Variants in FADS2 observed in about 807,000 individuals in gnomAD.
The protein encoded by FADS2 is acyl-CoA 6-desaturase.
In FADS2, 18 loss-of-function variants were observed where a neutral mutation model predicts 61.2. That is an observed-to-expected ratio of 0.29 (90% confidence interval 0.20 to 0.44). The LOEUF (loss-of-function observed/expected upper bound fraction) is 0.44, where lower values mean the gene tolerates loss of function less well. FADS2 is among the 20% of genes least tolerant of loss of function. The pLI, the probability that FADS2 is intolerant of heterozygous loss-of-function variation, is 1.00. For synonymous variants in FADS2, 203 were observed against 223.9 expected (o/e 0.91, Z 0.83); for missense variants, 322 against 572.7 (o/e 0.56, Z 4.47).
intron 4 of FADS2, among the ~76,000 whole-genome samples, chr11:61,843,161 G>A (rs1053816811): frequency 2.0e-5 from 3 of 152,230 alleles, no homozygotes; most frequent in South Asian, 4.1e-4. Context: ...CAGGCACAGT[G>A]GCTCACGCCT....
chr11:61,844,739 C>T (rs2067243150), intron 4 of FADS2, among the ~76,000 whole-genome samples: 1 of 151,386 alleles, frequency 6.6e-6, no homozygotes, highest in Non-Finnish European at 1.5e-5. Flanking sequence ...TCCTGGCTAA[C>T]ACGGTGAAAC....
chr11:61,824,575 C>T (rs1320628189), upstream of FADS2, among the ~76,000 whole-genome samples: 5 of 151,554 alleles, frequency 3.3e-5, no homozygotes, highest in East Asian at 9.7e-4. Context: ...AGGTCAGAGA[C>T]AGAGGTCTAA....
Position 61,816,353 on chromosome 11 carries a change from A to G in FADS2, c.68A>G (p.Gln23Arg). 1.9e-6 allele frequency: 3 copies of G among 1,598,326 alleles called. No individual in the cohort carries two copies. The highest frequency in any genetic ancestry group is 1.3e-5 in the African/African-American group (1 of 75,016). ...TTGTTGGCCTCCATCCCCACTCCCCAGACTCCACTTCTCCAGGCCTCTCTC... is the reference window on the plus strand; with the variant it reads ...TTGTTGGCCTCCATCCCCACTCCCCGGACTCCACTTCTCCAGGCCTCTCTC... The change falls in exon 1 of 12, where the codon CAG becomes CGG. Residue 23 changes from glutamine (Q) to arginine (R), a missense_variant. Transcript: ENST00000257261. The surrounding 1 kb of genome is among the most constrained non-coding windows in gnomAD (Gnocchi z 7.0).
intron 1 of FADS2, among the ~76,000 whole-genome samples, chr11:61,818,052 T>C (rs1253336162): frequency 6.6e-6 from 1 of 152,164 alleles, no homozygotes; most frequent in Non-Finnish European, 1.5e-5. Flanking sequence ...CTGCCATATT[T>C]CTCATTACAC....
In FADS2 at chr11:61,828,382, G is replaced by T. The variant is rs550250849; in HGVS notation, c.-9G>T. On this transcript the variant is annotated 5_prime_UTR_variant, in exon 1 of 12. Coordinates refer to ENST00000278840, the MANE Select transcript of FADS2 (RefSeq NM_004265.4). The surrounding 1 kb of genome is among the most constrained non-coding windows in gnomAD (Gnocchi z 6.4). ...CGCAGTGCACGGGGCGTCACAGTCG[G>T]CAGGCAGCATGGGGAAGGGAGGGAA... 2 of 1,555,264 alleles carry T rather than the reference G, an allele frequency of 1.3e-6. No individual in the cohort carries two copies. Among genetic ancestry groups the T allele is most frequent in the South Asian group, 2.4e-5 (2 of 84,472 alleles).
At chr11:61,853,271 CTCCCT>C (rs1293008085) in intron 5 of FADS2, among the ~76,000 whole-genome samples, 4 of 100,346 alleles carry the variant, frequency 4.0e-5, no homozygotes, top group African/African-American at 2.7e-4. Context: ...CTCTCCCTCC[CTCCCT>C]TCCCTCCCTC....
rs771027315 is a variant in FADS2, at chr11:61,862,964, C to A, written c.883-8C>A. On this transcript the variant is annotated splice_region_variant and splice_polypyrimidine_tract_variant and intron_variant, in intron 7 of 11. Coordinates refer to ENST00000278840, the MANE Select transcript of FADS2 (RefSeq NM_004265.4). ...GCAGGTTGCACCTAACTTCATCTTT[C>A]CCCGCAGGACCTGGCCTGGGCCGTC... The A allele has an allele frequency of 1.2e-6, 2 of 1,613,108 alleles. No homozygotes were observed. The highest frequency in any genetic ancestry group is 2.7e-5 in the African/African-American group (2 of 74,914).
chr11:61,818,251 C>T (rs899011859), intron 1 of FADS2, among the ~76,000 whole-genome samples: 5 of 152,070 alleles, frequency 3.3e-5, no homozygotes, highest in African/African-American at 7.3e-5. Context: ...AATTGAGGTT[C>T]GAAATGGGGA....
intron 1 of FADS2, among the ~76,000 whole-genome samples, chr11:61,830,381 A>C (rs2067119075): frequency 6.6e-6 from 1 of 152,214 alleles, no homozygotes; most frequent in Non-Finnish European, 1.5e-5. Flanking sequence ...TTCTGGTTTA[A>C]TTACCATATC....
chr11:61,844,821 A>G (rs531010316), intron 4 of FADS2, among the ~76,000 whole-genome samples: 3 of 150,950 alleles, frequency 2.0e-5, no homozygotes, highest in African/African-American at 7.3e-5. Flanking sequence ...GCTGCTCGGG[A>G]GGCTGAGACA....
At chr11:61,823,214 G>A (rs1044368597) in intron 1 of FADS2, among the ~76,000 whole-genome samples, 1 of 151,672 alleles carries the variant, frequency 6.6e-6, no homozygotes, top group African/African-American at 2.4e-5. Context: ...TATTCTCTGT[G>A]CACTTCAGAG....
chr11:61,853,569 G>A (rs1188299825), intron 5 of FADS2, among the ~76,000 whole-genome samples: 1 of 152,022 alleles, frequency 6.6e-6, no homozygotes, highest in African/African-American at 2.4e-5. Flanking sequence ...AAGCCGTGCG[G>A]TGCCTGAGAT....
In FADS2 at chr11:61,857,004, T is replaced by A; in HGVS notation, c.745-7T>A. On this transcript the variant is annotated splice_polypyrimidine_tract_variant and splice_region_variant and intron_variant, in intron 5 of 11. Coordinates refer to ENST00000278840, the MANE Select transcript of FADS2 (RefSeq NM_004265.4). ...CTGGGTGCTCATGATCTCTCCTCTCTCCTCAGTACGGCAAGAAGAAGCTGA... is the reference window on the plus strand; with the variant it reads ...CTGGGTGCTCATGATCTCTCCTCTCACCTCAGTACGGCAAGAAGAAGCTGA... 1.2e-6 allele frequency: 2 copies of A among 1,613,146 alleles called. No homozygotes were observed. Among genetic ancestry groups the A allele is most frequent in the East Asian group, 4.5e-5 (2 of 44,866 alleles).
chr11:61,837,429 C>T (rs1235335032), intron 1 of FADS2, among the ~76,000 whole-genome samples: 2 of 152,192 alleles, frequency 1.3e-5, no homozygotes, highest in Non-Finnish European at 2.9e-5. Context: ...CACGAGCAGT[C>T]GAGGCTCAAG....
rs2067471719 is a variant in FADS2 at position 61,866,459 on chromosome 11, G to C, written c.*770G>C. 1 of 154,462 alleles carries C rather than the reference G, an allele frequency of 6.5e-6. No individual in the cohort carries two copies. The highest frequency in any genetic ancestry group is 6.5e-5 in the Admixed American group (1 of 15,348). 9.6% of individuals were successfully genotyped at this position (154,462 alleles called of 1,614,324 possible). ...GGAGTCCCTCGTCTCTTGTGACTCA[G>C]CAGAGGCAGTGGCCACGTTCAGGGA... On this transcript the variant is annotated 3_prime_UTR_variant, in exon 12 of 12. Transcript: ENST00000278840.
Position 61,828,418 on chromosome 11 carries a change from G to A in FADS2, c.28G>A (p.Gly10Arg), listed in dbSNP as rs1267046502. 10 of 1,577,604 alleles carry A rather than the reference G, an allele frequency of 6.3e-6. No homozygotes were observed. The highest frequency in any genetic ancestry group is 8.6e-6 in the Non-Finnish European group (10 of 1,162,898). MGKGGNQGE[G>R]AAEREVSVPT... ...GGGGAAGGGAGGGAACCAGGGCGAG[G>A]GGGCCGCCGAGCGCGAGGTGTCGGT... The change falls in exon 1 of 12, where the codon GGG becomes AGG. Residue 10 changes from glycine (G) to arginine (R), a missense_variant. This residue lies in a region of FADS2 where 61 missense variants were observed against 107.4 expected (regional missense o/e 0.57). Transcript: ENST00000278840. The surrounding 1 kb of genome is among the most constrained non-coding windows in gnomAD (Gnocchi z 6.4).
intron 1 of FADS2, among the ~76,000 whole-genome samples, chr11:61,829,938 TA>T (rs1452524903): frequency 6.6e-6 from 1 of 152,240 alleles, no homozygotes; most frequent in African/African-American, 2.4e-5. Flanking sequence ...AGGGCTTATC[TA>T]AGATTGGGAA....
At chr11:61,820,717 C>T (rs893974773) in intron 1 of FADS2, among the ~76,000 whole-genome samples, 3 of 151,846 alleles carry the variant, frequency 2.0e-5, no homozygotes, top group South Asian at 4.2e-4. Flanking sequence ...TTGGCCAACA[C>T]GGTGAAACCC....
At chr11:61,824,473 A>G (rs1225159945), upstream of FADS2, among the ~76,000 whole-genome samples, 9 of 6,142 alleles carry the variant, frequency 1.5e-3, no homozygotes, top group East Asian at 0.12. Flanking sequence ...AGAGAGAGAG[A>G]GAGAGAGAGA....
Sources: gnomAD v4.1 joint callset for allele counts (sites outside exome capture counted in the v4.1 genomes callset) on GRCh38, gnomAD v4.1.1 for gene constraint, gnomAD v4.1.1 regional missense constraint, Gnocchi (gnomAD v3.1) non-coding constraint, MANE v1.5 for transcripts, NCBI Gene and HGNC (gene_info 2026-07-23, HGNC 2026-07-21) for gene names.